ANKRD2: variants seen among roughly 807,000 people sequenced by gnomAD.
ANKRD2 encodes ankyrin repeat domain 2, also known as ankyrin repeat domain-containing protein 2.
In ANKRD2, 35 loss-of-function variants were observed where a neutral mutation model predicts 37.3. The ratio of observed to expected loss-of-function variants is 0.94; its 90% CI spans 0.72 to 1.24. The LOEUF (loss-of-function observed/expected upper bound fraction) is 1.24, where lower values mean the gene tolerates loss of function less well. Among genes scored for constraint, ANKRD2 ranks in the 50% most tolerant of loss-of-function variants. The probability of loss-of-function intolerance (pLI) is 0.00; values close to 1 mark genes in which losing one functional copy is unlikely to be tolerated. For synonymous variants in ANKRD2, 159 were observed against 186.5 expected (o/e 0.85, Z 1.20); for missense variants, 410 against 445.6 (o/e 0.92, Z 0.72).
At chr10:97,573,753 T>C (rs2040789401) in intron 1 of ANKRD2, among the ~76,000 whole-genome samples, 1 of 152,174 alleles carries the variant, frequency 6.6e-6, no homozygotes, top group African/African-American at 2.4e-5. Context: ...TTTAAACTAA[T>C]ACTTCATCTA....
intron 4 of ANKRD2, among the ~76,000 whole-genome samples, chr10:97,580,243 G>A (rs1480429965): frequency 6.6e-6 from 1 of 152,226 alleles, no homozygotes; most frequent in Non-Finnish European, 1.5e-5. Flanking sequence ...CAGATCATTA[G>A]AATAAGGAAA....
At chr10:97,583,018 G>A (rs766808819) in intron 8 of ANKRD2, among the ~76,000 whole-genome samples, 5 of 152,230 alleles carry the variant, frequency 3.3e-5, no homozygotes, top group Non-Finnish European at 5.9e-5. Context: ...AAAGGCCAGA[G>A]CTGGAAGGGA....
Position 97,577,074 on chromosome 10 carries a change from G to A in ANKRD2, c.88-726G>A, listed in dbSNP as rs143402047. On this transcript the variant is annotated intron_variant, in intron 1 of 8. Coordinates refer to ENST00000370655, the MANE Select transcript of ANKRD2 (RefSeq NM_001346793.2). The stretch of plus-strand genomic sequence containing the variant: ...GCTGGAGTGCAGTGGCATGACCTTG[G>A]CTCACTGCAACCTCCCCTTCCTGGG... Among the ~76,000 whole-genome samples the A allele has an allele frequency of 4.4e-3, 662 of 151,660 alleles. 4 individuals carry two copies. The highest frequency in any genetic ancestry group is 0.013 in the South Asian group (63 of 4,814).
intron 1 of ANKRD2, 63 bp from the exon 2 acceptor site, chr10:97,577,737 G>C: frequency 1.5e-6 from 2 of 1,347,264 alleles, no homozygotes; most frequent in African/African-American, 1.4e-5. Flanking sequence ...TCCTTGGTGT[G>C]GTTGGGGGAG....
intron 6 of ANKRD2, among the ~76,000 whole-genome samples, chr10:97,581,829 A>C (rs1190457208): frequency 6.6e-6 from 1 of 152,158 alleles, no homozygotes; most frequent in South Asian, 2.1e-4. Context: ...TTATTTATGC[A>C]CCATCCTTCT....
At chr10:97,572,616 C>T (rs1279807526), upstream of ANKRD2, 6 of 1,449,232 alleles carry the variant, frequency 4.1e-6, no homozygotes, top group Non-Finnish European at 4.6e-6. Context: ...ACTGGCTCTG[C>T]TCCCTGGCCC....
chr10:97,583,101 T>C (rs1003337706), intron 8 of ANKRD2, among the ~76,000 whole-genome samples: 3 of 152,052 alleles, frequency 2.0e-5, no homozygotes, highest in African/African-American at 7.2e-5. Flanking sequence ...TTTCTTAGGA[T>C]CTAGGCAGGA....
chr10:97,581,050 C>A, intron 5 of ANKRD2, 97 bp downstream of exon 5: 3 of 1,128,242 alleles, frequency 2.7e-6, no homozygotes, highest in Non-Finnish European at 3.8e-6. Context: ...GAAGCATAAA[C>A]AGGTTGCTCA....
intron 4 of ANKRD2, 89 bp from the exon 5 acceptor site, chr10:97,580,766 T>G: frequency 3.2e-6 from 3 of 951,702 alleles, no homozygotes; most frequent in Non-Finnish European, 4.8e-6. Flanking sequence ...AGAATCAAGC[T>G]GGGGGGAAGG....
rs747921100 is a variant in ANKRD2, at chr10:97,578,298, G to GCGGGATCCAGAACCTCATCGAGCTGCGGA, written c.249_277dup (p.Lys93ThrfsTer44). On this transcript the variant is annotated frameshift_variant, in exon 3 of 9. Transcript: ENST00000370655. LOFTEE classifies it high-confidence loss of function. The stretch of plus-strand genomic sequence containing the variant: ...CTGCGGCGGGAGATCATCGATGTGG[G>GCGGGATCCAGAACCTCATCGAGCTGCGGA]CGGGATCCAGAACCTCATCGAGCTG... The GCGGGATCCAGAACCTCATCGAGCTGCGGA allele has an allele frequency of 1.7e-5, 28 of 1,613,112 alleles. No homozygotes were observed. Among genetic ancestry groups the GCGGGATCCAGAACCTCATCGAGCTGCGGA allele is most frequent in the Non-Finnish European group, 2.4e-5 (28 of 1,179,950 alleles).
intron 1 of ANKRD2, 21 bp from the exon 2 acceptor site, chr10:97,577,779 G>T: frequency 6.5e-7 from 1 of 1,540,790 alleles, no homozygotes; most frequent in Non-Finnish European, 8.8e-7. Flanking sequence ...CCTGGAGAAG[G>T]TGCCCTCTTT....
rs2040855582 is a variant in ANKRD2, at chr10:97,578,412, G to A, written c.348+14G>A. 2 of 1,613,458 alleles carry A rather than the reference G, an allele frequency of 1.2e-6. No homozygotes were observed. The highest frequency in any genetic ancestry group is 4.5e-5 in the East Asian group (2 of 44,838). On this transcript the variant is annotated intron_variant, in intron 3 of 8. Transcript: ENST00000370655. ...CCCGAGGAGATCGTAAGGGTCCTGG[G>A]GAGGACACCGCGAGGGGGCGGAGGG... is the stretch of plus-strand genomic sequence containing the variant.
intron 4 of ANKRD2, 71 bp downstream of exon 4, chr10:97,578,676 C>CAGG: frequency 1.6e-6 from 2 of 1,240,062 alleles, no homozygotes; most frequent in Non-Finnish European, 2.3e-6. Flanking sequence ...GCTCCTGGGT[C>CAGG]AGCCCACTGT....
rs751864202 is a variant in ANKRD2 at position 97,583,709 on chromosome 10, C to T, written c.986C>T (p.Pro329Leu). Residue 329 changes from proline (P) to leucine (L), a missense_variant, in exon 9 of 9, where the codon CCT (proline) becomes CTT (leucine). Transcript: ENST00000370655. Reference sequence around the variant, plus strand: ...GATAGTGGGCGAGAGACCCCTCAGCCTGTGCCAGCCCAGTGAATGCGTGCC... The same window carrying T: ...GATAGTGGGCGAGAGACCCCTCAGCTTGTGCCAGCCCAGTGAATGCGTGCC... ...PNDSGRETPQ[P>L]VPAQ 4 of 1,564,046 alleles carry T rather than the reference C, an allele frequency of 2.6e-6. No individual in the cohort carries two copies. The South Asian group carries it at 4.7e-5, about 19-fold the overall frequency.
chr10:97,580,188 A>G (rs1016357119), intron 4 of ANKRD2, among the ~76,000 whole-genome samples: 1 of 152,216 alleles, frequency 6.6e-6, no homozygotes, highest in African/African-American at 2.4e-5. Context: ...AAACAAAACA[A>G]AAAAACAGAC....
At chr10:97,577,689 GGCTC>G in intron 1 of ANKRD2, 107 bp from the exon 2 acceptor site, 1 of 855,650 alleles carries the variant, frequency 1.2e-6, no homozygotes, top group Admixed American at 3.2e-5. Context: ...CAGCCAGAAG[GGCTC>G]TGAGACCACC....
At position 97,583,449 on chromosome 10, in the gene ANKRD2, C is replaced by A; in HGVS notation, c.853-127C>A. 4.3e-6 allele frequency: 4 copies of A among 935,162 alleles called. 1 individual carries two copies. Among genetic ancestry groups the A allele is most frequent in the South Asian group, 3.5e-5 (2 of 56,672 alleles). The allele number at this position is 935,162 out of a possible 1,614,324, so 57.9% of individuals were successfully genotyped here. On this transcript the variant is annotated intron_variant, in intron 8 of 8. Transcript: ENST00000370655. ...AGTGTGACAACCAAAAGTATCTTCA[C>A]ACAATGCCAGTTGCCCCCATTTGAG...
chr10:97,574,845 T>A (rs530838753), intron 1 of ANKRD2, among the ~76,000 whole-genome samples: 110 of 151,978 alleles, frequency 7.2e-4, no homozygotes, highest in African/African-American at 2.6e-3. Flanking sequence ...TGCCTATGGT[T>A]GGCTGGTGCC....
chr10:97,580,762 A>G (rs2040886664), intron 4 of ANKRD2, 93 bp from the exon 5 acceptor site: 13 of 919,742 alleles, frequency 1.4e-5, no homozygotes, highest in Non-Finnish European at 2.0e-5. Context: ...GGTGAGAATC[A>G]AGCTGGGGGG....
Sources: gnomAD v4.1 joint callset for allele counts (sites outside exome capture counted in the v4.1 genomes callset) on GRCh38, gnomAD v4.1.1 for gene constraint, MANE v1.5 for transcripts, NCBI Gene and HGNC (gene_info 2026-07-23, HGNC 2026-07-21) for gene names.